Variants in CUL2 observed in about 807,000 individuals in gnomAD.
CUL2 encodes cullin 2.
In CUL2, 22 loss-of-function variants were observed where a neutral mutation model predicts 110.2. That is an observed-to-expected ratio of 0.20 (90% CI 0.14 to 0.28). CUL2 has a LOEUF of 0.28. Ranked by LOEUF, CUL2 falls within the 10% of genes least tolerant of loss-of-function variation. The pLI is 1.00. For synonymous variants in CUL2, 279 were observed against 293.2 expected (o/e 0.95, Z 0.49); for missense variants, 631 against 905.5 (o/e 0.70, Z 3.89).
chr10:35,086,634 C>T (rs997817726), intron 1 of CUL2, among the ~76,000 whole-genome samples: 34 of 151,882 alleles, frequency 2.2e-4, no homozygotes, highest in African/African-American at 7.7e-4. Flanking sequence ...AAAAACTTAA[C>T]GAGACCAGCC....
upstream of CUL2, among the ~76,000 whole-genome samples, chr10:35,091,678 C>T (rs932097734): frequency 6.6e-6 from 1 of 151,648 alleles, no homozygotes; most frequent in African/African-American, 2.4e-5. Flanking sequence ...AATGCAGTGG[C>T]GGCACAATCT....
rs760939607 is a variant in CUL2 at position 35,028,885 on chromosome 10, A to T, written c.1542T>A (p.Ala514=). 1 of 1,589,826 alleles carries T rather than the reference A, an allele frequency of 6.3e-7. No homozygotes were observed. Among genetic ancestry groups the T allele is most frequent in the Non-Finnish European group, 8.6e-7 (1 of 1,167,270 alleles). Residue 514 remains alanine, a splice_region_variant and synonymous_variant, in exon 16 of 21, where the codon GCT becomes GCA. Coordinates refer to ENST00000374749, the MANE Select transcript of CUL2 (RefSeq NM_003591.4). ...GISFQIYVLQ[A]GAWPLTQAPS... is the part of the protein sequence containing the mutation. ...GAGCCTGAGTAAGAGGCCACGCACC[A>T]GCCTAGAAGGAAAAAAATAAAATAA... is the stretch of plus-strand genomic sequence containing the variant.
chr10:35,115,168 G>A (rs2087578543), intron 1 of CUL2, among the ~76,000 whole-genome samples: 1 of 151,576 alleles, frequency 6.6e-6, no homozygotes, highest in Non-Finnish European at 1.5e-5. Flanking sequence ...AACCCAGGAA[G>A]CAGAGGTTGC....
At chr10:35,045,649 C>T (rs1051799367) in intron 6 of CUL2, among the ~76,000 whole-genome samples, 6 of 151,598 alleles carry the variant, frequency 4.0e-5, no homozygotes, top group Non-Finnish European at 7.4e-5. Context: ...CAGGAGGAGT[C>T]GAGGCTACAG....
At chr10:35,122,305 T>G (rs1030219520) in intron 1 of CUL2, among the ~76,000 whole-genome samples, 3 of 152,258 alleles carry the variant, frequency 2.0e-5, no homozygotes, top group Non-Finnish European at 4.4e-5. Flanking sequence ...AATCTTGAGA[T>G]CTGTGGTCTA....
rs767165082 is a variant in CUL2 at position 35,111,256 on chromosome 10, A to AT, written c.-50-10197dup. Among the ~76,000 whole-genome samples the AT allele has an allele frequency of 7.3e-3, 1,054 of 145,068 alleles. 4 individuals carry two copies. Among genetic ancestry groups the AT allele is most frequent in the Non-Finnish European group, 8.3e-3 (547 of 65,690 alleles). On this transcript the variant is annotated intron_variant, in intron 1 of 5. Transcript: ENST00000685421. ...AGAATCACTCTTCTCTTATGAGAAG[A>AT]TTTTTTTTTTTTTTGATTCGGGTTC...
chr10:35,079,858 C>G (rs184037588), intron 1 of CUL2, among the ~76,000 whole-genome samples: 3 of 152,236 alleles, frequency 2.0e-5, no homozygotes, highest in African/African-American at 7.2e-5. Flanking sequence ...GTGACTTGAA[C>G]ACAAATACTG....
At chr10:35,072,518 G>A (rs918443004) in intron 1 of CUL2, among the ~76,000 whole-genome samples, 3 of 152,042 alleles carry the variant, frequency 2.0e-5, no homozygotes, top group African/African-American at 4.8e-5. Flanking sequence ...ACAGGCGCCC[G>A]CCACCATGCC....
In CUL2 at chr10:35,062,119, G is replaced by A. The variant is rs181470900; in HGVS notation, c.222+841C>T. ...CACTAAATTATCTCATCCAGTTCCT[G>A]ATTAGATCAGTAGTCTAAATTAAGT... is the stretch of plus-strand genomic sequence containing the variant. On this transcript the variant is annotated intron_variant, in intron 3 of 20. Transcript: ENST00000374749. Among the ~76,000 whole-genome samples the A allele has an allele frequency of 1.2e-3, 188 of 152,220 alleles. 1 individual carries two copies. The highest frequency in any genetic ancestry group is 1.8e-4 in the Non-Finnish European group (12 of 68,008).
chr10:35,023,009 C>A (rs941016711), intron 17 of CUL2, among the ~76,000 whole-genome samples: 5 of 152,144 alleles, frequency 3.3e-5, no homozygotes, highest in Non-Finnish European at 5.9e-5. Context: ...CGCCACTGCA[C>A]TCCAGCCTGG....
chr10:35,056,229 GAATA>G (rs2086237760), intron 4 of CUL2, among the ~76,000 whole-genome samples: 2 of 152,034 alleles, frequency 1.3e-5, no homozygotes, highest in South Asian at 4.2e-4. Flanking sequence ...AATAATTACT[GAATA>G]AATAAATGGA....
chr10:35,018,590 C>A (rs1358209593), intron 17 of CUL2, among the ~76,000 whole-genome samples: 2 of 151,562 alleles, frequency 1.3e-5, no homozygotes, highest in African/African-American at 4.8e-5. Flanking sequence ...ATGGAGAAAC[C>A]CCGTCTCTAC....
chr10:35,111,218 A>G (rs115607676), intron 1 of CUL2, among the ~76,000 whole-genome samples: 372 of 152,236 alleles, frequency 2.4e-3, no homozygotes, highest in African/African-American at 8.6e-3. Context: ...TTATGAGATT[A>G]AATGATTCTT....
intron 2 of CUL2, among the ~76,000 whole-genome samples, chr10:35,096,766 C>T (rs531459757): frequency 8.6e-5 from 13 of 150,648 alleles, no homozygotes; most frequent in South Asian, 2.1e-4. Flanking sequence ...CTAAATTGCT[C>T]GTGTTAGGTT....
At chr10:35,036,196 G>A (rs1378994928) in intron 9 of CUL2, among the ~76,000 whole-genome samples, 1 of 152,160 alleles carries the variant, frequency 6.6e-6, no homozygotes, top group Non-Finnish European at 1.5e-5. Context: ...GTATAAAAAT[G>A]GGATCACACA....
chr10:35,030,111 C>T (rs2085444011), intron 14 of CUL2, among the ~76,000 whole-genome samples: 1 of 152,168 alleles, frequency 6.6e-6, no homozygotes, highest in Non-Finnish European at 1.5e-5. Context: ...TCTCACTCTC[C>T]CAGTAGCTGG....
At chr10:35,084,105 T>A (rs2087004397) in intron 1 of CUL2, among the ~76,000 whole-genome samples, 1 of 152,034 alleles carries the variant, frequency 6.6e-6, no homozygotes, top group African/African-American at 2.4e-5. Context: ...GGCAAAACCC[T>A]ATCTCTACTA....
At chr10:35,083,965 A>G (rs2087000542) in intron 1 of CUL2, among the ~76,000 whole-genome samples, 1 of 152,232 alleles carries the variant, frequency 6.6e-6, no homozygotes, top group Non-Finnish European at 1.5e-5. Flanking sequence ...TGTAACTAAC[A>G]TTATTTATAA....
intron 17 of CUL2, among the ~76,000 whole-genome samples, chr10:35,016,665 G>A (rs1057421129): frequency 2.0e-5 from 3 of 152,084 alleles, no homozygotes; most frequent in Non-Finnish European, 2.9e-5. Flanking sequence ...AGCGGCTCAC[G>A]CCTGTAATCC....
Sources: allele counts gnomAD v4.1 joint callset (sites outside exome capture counted in the v4.1 genomes callset), GRCh38; gene constraint gnomAD v4.1.1; transcripts MANE v1.5; gene names NCBI Gene and HGNC (gene_info 2026-07-23, HGNC 2026-07-21).